TSHZ2: variants seen among roughly 807,000 people sequenced by gnomAD.
The protein encoded by TSHZ2 is teashirt zinc finger homeobox 2.
TSHZ2 carries 21 observed loss-of-function variants against 74.4 expected under a neutral mutation model. The ratio of observed to expected loss-of-function variants is 0.28; its 90% CI spans 0.20 to 0.41. The LOEUF is 0.41. TSHZ2 is among the 10% of genes least tolerant of loss of function. The pLI is 1.00. For synonymous variants in TSHZ2, 540 were observed against 515.3 expected, an observed-to-expected ratio of 1.05 and a Z score of -0.65; for missense variants, 1,244 against 1,293.5, an observed-to-expected ratio of 0.96 and a Z score of 0.59.
intron 1 of TSHZ2, among the ~76,000 whole-genome samples, chr20:53,110,133 G>C (rs764690929): frequency 1.9e-4 from 29 of 152,142 alleles, no homozygotes; most frequent in Non-Finnish European, 3.4e-4. Context: ...GCTATGAGTA[G>C]AGCAGTCTTA....
At chr20:53,421,342 G>A (rs1983459768) in intron 2 of TSHZ2, 1 of 166,842 alleles carries the variant, frequency 6.0e-6, no homozygotes, top group Non-Finnish European at 1.4e-5. Flanking sequence ...TGCCTTTGCA[G>A]AATTATTCCA....
rs6013595 is a variant in TSHZ2, at chr20:53,005,623, C to T, written c.40+32290C>T. Reference sequence around the variant, plus strand: ...TGAATAAATTCACACTTGGATCATTCTCGATCTGTCCTAGGCAAGGCCCTG... The same window carrying T: ...TGAATAAATTCACACTTGGATCATTTTCGATCTGTCCTAGGCAAGGCCCTG... On this transcript the variant is annotated intron_variant, in intron 1 of 2. Transcript: ENST00000371497. Among the ~76,000 whole-genome samples the T allele has an allele frequency of 4.5e-4, 69 of 152,298 alleles. 2 individuals are homozygous for T. Among genetic ancestry groups the T allele is most frequent in the African/African-American group, 1.6e-3 (68 of 41,566 alleles).
chr20:52,973,208 A>G lies in TSHZ2; in HGVS notation c.-86A>G, dbSNP rs1981193390. On this transcript the variant is annotated 5_prime_UTR_variant, in exon 1 of 3. Transcript: ENST00000371497. ...GGAGCCACCGGGCAAGAGGCGGAGG[A>G]GACCCAGAGAGGCCAGAGAGACAGC... 4 of 1,524,792 alleles carry G rather than the reference A, an allele frequency of 2.6e-6. No individual in the cohort carries two copies. Among genetic ancestry groups the G allele is most frequent in the Non-Finnish European group, 2.7e-6 (3 of 1,125,702 alleles). 94.5% of individuals were successfully genotyped at this position (1,524,792 alleles called of 1,614,324 possible).
chr20:53,189,407 T>C, intron 1 of TSHZ2, among the ~76,000 whole-genome samples: 1 of 152,232 alleles, frequency 6.6e-6, no homozygotes, highest in Non-Finnish European at 1.5e-5. Flanking sequence ...GACTCAGTGG[T>C]ATCAGATCAC....
intron 1 of TSHZ2, among the ~76,000 whole-genome samples, chr20:53,160,744 C>CAAAAAAAAAAAAAAAAA (rs1762991150): frequency 4.3e-5 from 3 of 69,094 alleles, no homozygotes; most frequent in African/African-American, 2.8e-4. Context: ...GACTCTGTCT[C>CAAAAAAAAAAAAAAAAA]CAAAAAAAAA....
At chr20:53,465,932 G>A (rs1985542781) in intron 2 of TSHZ2, among the ~76,000 whole-genome samples, 2 of 141,742 alleles carry the variant, frequency 1.4e-5, no homozygotes, top group South Asian at 4.7e-4. Context: ...CACAAACATC[G>A]CCACCATGAG....
At chr20:53,330,396 G>T (rs1043713342) in intron 2 of TSHZ2, among the ~76,000 whole-genome samples, 12 of 152,200 alleles carry the variant, frequency 7.9e-5, no homozygotes, top group African/African-American at 1.7e-4. Context: ...AAAGGGGTAT[G>T]AAATACAATG....
chr20:53,427,891 A>T (rs975725274), intron 2 of TSHZ2, among the ~76,000 whole-genome samples: 1 of 152,178 alleles, frequency 6.6e-6, no homozygotes, highest in African/African-American at 2.4e-5. Context: ...AACTAAGAAA[A>T]GTCTCTCAAA....
chr20:53,370,760 T>C (rs918857279), intron 2 of TSHZ2, among the ~76,000 whole-genome samples: 2 of 152,138 alleles, frequency 1.3e-5, no homozygotes, highest in African/African-American at 4.8e-5. Flanking sequence ...CAAGACCTTA[T>C]CTCAAAAAAC....
chr20:53,153,628 A>T (rs1057245348), intron 1 of TSHZ2, among the ~76,000 whole-genome samples: 1 of 152,186 alleles, frequency 6.6e-6, no homozygotes, highest in Admixed American at 6.5e-5. Flanking sequence ...TTGAGGTCCC[A>T]CCACTGGACT....
chr20:53,333,230 T>G (rs903230136), intron 2 of TSHZ2, among the ~76,000 whole-genome samples: 1 of 152,178 alleles, frequency 6.6e-6, no homozygotes, highest in African/African-American at 2.4e-5. Flanking sequence ...TTAAACTACC[T>G]AGGAAATACT....
intron 1 of TSHZ2, among the ~76,000 whole-genome samples, chr20:53,071,713 G>A (rs1389561163): frequency 6.6e-6 from 1 of 152,178 alleles, no homozygotes; most frequent in Non-Finnish European, 1.5e-5. Context: ...CATCACAGGT[G>A]ACATGGGTTT....
intron 2 of TSHZ2, among the ~76,000 whole-genome samples, chr20:53,434,387 T>G (rs1049377074): frequency 6.6e-6 from 1 of 152,180 alleles, no homozygotes; most frequent in Non-Finnish European, 1.5e-5. Context: ...AAGCCACTGT[T>G]TTTGCTTTTA....
intron 1 of TSHZ2, among the ~76,000 whole-genome samples, chr20:53,014,195 C>CAGAGAGAGAG (rs10539599): frequency 1.3e-5 from 2 of 149,946 alleles, no homozygotes; most frequent in African/African-American, 4.9e-5. Context: ...CTTCATACGG[C>CAGAGAGAGAG]AGAGAGAGAG....
chr20:53,369,947 T>G (rs139667689), intron 2 of TSHZ2, among the ~76,000 whole-genome samples: 63 of 152,302 alleles, frequency 4.1e-4, no homozygotes, highest in African/African-American at 9.1e-4. Flanking sequence ...GCAGTGTTCT[T>G]TGTGTTGGAA....
intron 2 of TSHZ2, among the ~76,000 whole-genome samples, chr20:53,470,551 C>G (rs1985766715): frequency 6.6e-6 from 1 of 152,184 alleles, no homozygotes; most frequent in Non-Finnish European, 1.5e-5. Context: ...CGCGGTGGCT[C>G]ATGCCTGTAA....
In TSHZ2 at chr20:53,425,349, C is replaced by T. The variant is rs558654428; in HGVS notation, c.*9-61795C>T. ...CAAAGCTATTCACTCAGAGGGACTT[C>T]CAGCCCTCAGACACTGGACAGCAGA... On this transcript the variant is annotated intron_variant, in intron 2 of 2. Transcript: ENST00000371497. Among the ~76,000 whole-genome samples, 34 of 152,342 alleles carry T rather than the reference C, an allele frequency of 2.2e-4. No homozygotes were observed. In the South Asian group the frequency reaches 6.6e-3, roughly 30 times the overall value.
intron 2 of TSHZ2, among the ~76,000 whole-genome samples, chr20:53,363,418 A>G (rs1981140108): frequency 6.6e-6 from 1 of 152,192 alleles, no homozygotes; most frequent in Non-Finnish European, 1.5e-5. Context: ...AAGATTTGGA[A>G]TTTTGTTCAA....
chr20:53,282,968 A>C (rs919992627), intron 2 of TSHZ2, among the ~76,000 whole-genome samples: 2 of 152,208 alleles, frequency 1.3e-5, no homozygotes, highest in Non-Finnish European at 2.9e-5. Context: ...GGACATGCCT[A>C]ATAATGATCT....
Sources: gnomAD v4.1 joint callset for allele counts (sites outside exome capture counted in the v4.1 genomes callset) on GRCh38, gnomAD v4.1.1 for gene constraint, MANE v1.5 for transcripts, NCBI Gene and HGNC (gene_info 2026-07-23, HGNC 2026-07-21) for gene names.